TMC1: variants seen among roughly 807,000 people sequenced by gnomAD.
The protein encoded by TMC1 is transmembrane channel like 1.
In TMC1, 84 loss-of-function variants were observed where a neutral mutation model predicts 105.8. The ratio of observed to expected loss-of-function variants is 0.79; its 90% CI spans 0.67 to 0.95. The LOEUF is 0.95. Ranked by LOEUF, TMC1 falls within the 40% of genes least tolerant of loss-of-function variation. The pLI, the probability that TMC1 is intolerant of heterozygous loss-of-function variation, is 0.00. For missense variants in TMC1, 817 were observed against 914.1 expected (o/e 0.89, Z 1.37); for synonymous variants, 315 against 311.5 (o/e 1.01, Z -0.12).
chr9:72,827,734 C>T (rs1471070878), intron 21 of TMC1, among the ~76,000 whole-genome samples: 2 of 152,180 alleles, frequency 1.3e-5, no homozygotes, highest in African/African-American at 2.4e-5. Context: ...TCCTTTCAGT[C>T]CCTGAGTGCC....
chr9:72,770,835 G>T (rs1345224923), intron 12 of TMC1, among the ~76,000 whole-genome samples: 1 of 152,112 alleles, frequency 6.6e-6, no homozygotes, highest in Non-Finnish European at 1.5e-5. Flanking sequence ...CTCAAGCAGT[G>T]AGTGAGGCAG....
In TMC1 at chr9:72,641,810, C is replaced by CTTTT. The variant is rs896125209; in HGVS notation, c.-52-6765_-52-6762dup. ...ATATGCTTATAAGGTAGTCCCAAAT[C>CTTTT]TTTTTTTTTTTTTTTTTTTTTTTTT... On this transcript the variant is annotated intron_variant, in intron 4 of 23. Transcript: ENST00000297784. Among the ~76,000 whole-genome samples the CTTTT allele has an allele frequency of 2.1e-3, 185 of 86,982 alleles. 3 individuals carry two copies. Among genetic ancestry groups the CTTTT allele is most frequent in the Non-Finnish European group, 2.5e-3 (116 of 46,842 alleles). The allele number at this position is 86,982 out of a possible 152,430, so 57.1% of individuals were successfully genotyped here. A position where few individuals can be genotyped will look rare whatever the true frequency, so the allele number is the denominator to read the frequency against.
intron 23 of TMC1, 144 bp from the exon 24 acceptor site, chr9:72,835,807 A>G (rs1829113342): frequency 1.2e-6 from 1 of 817,062 alleles, no homozygotes; most frequent in Non-Finnish European, 1.9e-6. Flanking sequence ...GGGAAAGTAG[A>G]GCACATTTGG....
intron 1 of TMC1, among the ~76,000 whole-genome samples, chr9:72,571,053 T>C (rs1824274418): frequency 6.7e-6 from 1 of 149,486 alleles, no homozygotes; most frequent in East Asian, 2.1e-4. Flanking sequence ...CTGGGCATGG[T>C]GGCTCATGGC....
At chr9:72,721,621 G>A (rs572171672) in intron 8 of TMC1, among the ~76,000 whole-genome samples, 1 of 152,262 alleles carries the variant, frequency 6.6e-6, no homozygotes, top group Admixed American at 6.5e-5. Context: ...ATAAAACTAA[G>A]CACAGGGCCC....
intron 4 of TMC1, among the ~76,000 whole-genome samples, chr9:72,640,698 C>G (rs1588006037): frequency 6.6e-6 from 1 of 151,278 alleles, no homozygotes; most frequent in African/African-American, 2.4e-5. Flanking sequence ...AGTGGCGCGA[C>G]CTCGGCTCAC....
intron 1 of TMC1, among the ~76,000 whole-genome samples, chr9:72,546,546 A>G (rs2132068466): frequency 6.6e-6 from 1 of 152,338 alleles, no homozygotes; most frequent in East Asian, 1.9e-4. Context: ...ATTTGCTTTG[A>G]AAAAGATGTA....
At position 72,584,240 on chromosome 9, in the gene TMC1, T is replaced by C. The variant is rs900889176; in HGVS notation, c.-306+6217T>C. ...AGAAGATCATTCTAAGCTAAGGAGGTTGCATGAAGAAAGCATAATGTCACT... is the reference window on the plus strand; with the variant it reads ...AGAAGATCATTCTAAGCTAAGGAGGCTGCATGAAGAAAGCATAATGTCACT... On this transcript the variant is annotated intron_variant, in intron 2 of 23. Transcript: ENST00000297784. 3.3e-5 allele frequency among the ~76,000 whole-genome samples: 5 copies of C among 151,580 alleles called. No homozygotes were observed. In the South Asian group the frequency reaches 1.0e-3, roughly 32 times the overall value.
chr9:72,790,219 A>G (rs1828243326), intron 15 of TMC1, among the ~76,000 whole-genome samples: 1 of 152,226 alleles, frequency 6.6e-6, no homozygotes, highest in Non-Finnish European at 1.5e-5. Context: ...AGAACAGTAT[A>G]GATCAAAAGA....
At chr9:72,705,630 TA>T (rs1457189361) in intron 8 of TMC1, among the ~76,000 whole-genome samples, 1 of 152,106 alleles carries the variant, frequency 6.6e-6, no homozygotes, top group Non-Finnish European at 1.5e-5. Context: ...GCTATTAAAA[TA>T]AAAAACAGTT....
At chr9:72,598,282 A>T (rs906442271) in intron 2 of TMC1, among the ~76,000 whole-genome samples, 1 of 152,060 alleles carries the variant, frequency 6.6e-6, no homozygotes. Context: ...CCGACAACCC[A>T]TCGACTTGGG....
At chr9:72,706,277 C>A (rs1447125184) in intron 8 of TMC1, among the ~76,000 whole-genome samples, 1 of 152,108 alleles carries the variant, frequency 6.6e-6, no homozygotes, top group Non-Finnish European at 1.5e-5. Flanking sequence ...TTTAGTTTTT[C>A]TCTCATCTGT....
In TMC1 at chr9:72,815,047, T is replaced by C. The variant is rs1044621310; in HGVS notation, c.1696-1096T>C. On this transcript the variant is annotated intron_variant, in intron 18 of 23. Transcript: ENST00000297784. ...GAACCTGCCAATGTCTTGGTGTCTTTTTCGTGGTCTTCTTGGCCCTCTCAT... is the reference window on the plus strand; with the variant it reads ...GAACCTGCCAATGTCTTGGTGTCTTCTTCGTGGTCTTCTTGGCCCTCTCAT... 2.6e-5 allele frequency among the ~76,000 whole-genome samples: 4 copies of C among 152,010 alleles called. No individual in the cohort carries two copies. In the South Asian group the frequency reaches 8.3e-4, roughly 32 times the overall value.
At chr9:72,773,269 A>G (rs1198585463) in intron 13 of TMC1, among the ~76,000 whole-genome samples, 1 of 152,176 alleles carries the variant, frequency 6.6e-6, no homozygotes, top group Non-Finnish European at 1.5e-5. Context: ...AGTTTACGAG[A>G]AGAGTTGAAA....
At chr9:72,672,956 A>C (rs1030089695) in intron 5 of TMC1, among the ~76,000 whole-genome samples, 1 of 152,154 alleles carries the variant, frequency 6.6e-6, no homozygotes, top group Non-Finnish European at 1.5e-5. Context: ...ATGATATGCT[A>C]TATTCTAGGC....
At chr9:72,531,668 G>A (rs76968241) in intron 1 of TMC1, among the ~76,000 whole-genome samples, 3,414 of 152,222 alleles carry the variant, frequency 0.022, 136 homozygotes, top group African/African-American at 0.077. Context: ...CTGTTAATCC[G>A]TATTACTCTT....
At chr9:72,523,678 T>C (rs7848477) in intron 1 of TMC1, among the ~76,000 whole-genome samples, 5,735 of 151,494 alleles carry the variant, frequency 0.038, 326 homozygotes, top group African/African-American at 0.12. Context: ...GTGGCAGGGA[T>C]GGTAGAGGTG....
At chr9:72,822,057 A>G (rs1394695440) in intron 20 of TMC1, among the ~76,000 whole-genome samples, 1 of 152,200 alleles carries the variant, frequency 6.6e-6, no homozygotes, top group African/African-American at 2.4e-5. Context: ...ACAGTTCTCT[A>G]TGACAGAGCT....
intron 21 of TMC1, among the ~76,000 whole-genome samples, chr9:72,829,787 C>T (rs576763579): frequency 3.3e-5 from 5 of 152,196 alleles, no homozygotes; most frequent in East Asian, 3.9e-4. Flanking sequence ...TTTGTTTGTT[C>T]GTTTTGCCTT....
Sources: allele counts gnomAD v4.1 joint callset (sites outside exome capture counted in the v4.1 genomes callset), GRCh38; gene constraint gnomAD v4.1.1; transcripts MANE v1.5; gene names NCBI Gene and HGNC (gene_info 2026-07-23, HGNC 2026-07-21).